Variants in MYO9A observed in about 807,000 individuals in gnomAD.
MYO9A encodes the protein unconventional myosin-IXa.
In MYO9A, 103 loss-of-function variants were observed where a neutral mutation model predicts 293.3. The ratio of observed to expected loss-of-function variants is 0.35; its 90% CI spans 0.30 to 0.41. The LOEUF is 0.41. Among genes scored for constraint, MYO9A ranks in the 10% least tolerant of loss-of-function variants. MYO9A has a pLI of 1.00. For synonymous variants in MYO9A, 1,001 were observed against 1,035.7 expected, an observed-to-expected ratio of 0.97 and a Z score of 0.64; for missense variants, 2,685 against 3,033.0, an observed-to-expected ratio of 0.89 and a Z score of 2.69.
intron 6 of MYO9A, among the ~76,000 whole-genome samples, chr15:72,012,947 A>C (rs916090362): frequency 6.6e-6 from 1 of 152,220 alleles, no homozygotes; most frequent in African/African-American, 2.4e-5. Flanking sequence ...GTCTCAGTGA[A>C]TATCAAAATC....
chr15:71,999,779 AAAACCCAAACTTC>A, intron 9 of MYO9A, 59 bp downstream of exon 9: 1 of 1,256,982 alleles, frequency 8.0e-7, no homozygotes, highest in East Asian at 2.5e-5. Context: ...CTGTTAAGAG[AAAACCCAAACTTC>A]AAACCTAAAC....
At chr15:71,868,964 A>C (rs62023342) in intron 32 of MYO9A, among the ~76,000 whole-genome samples, 30,612 of 152,056 alleles carry the variant, frequency 0.2, 3,325 homozygotes, top group East Asian at 0.41. Flanking sequence ...TCTAATTATC[A>C]CAAATTTGTC....
chr15:72,037,630 T>G (rs1375155853), intron 2 of MYO9A, among the ~76,000 whole-genome samples: 5 of 152,166 alleles, frequency 3.3e-5, no homozygotes, highest in African/African-American at 1.2e-4. Context: ...AGTACAGTTT[T>G]TGATGATCTC....
chr15:71,893,979 T>C (rs1047754002), intron 25 of MYO9A, among the ~76,000 whole-genome samples: 2 of 152,214 alleles, frequency 1.3e-5, no homozygotes, highest in African/African-American at 4.8e-5. Context: ...AAAGGCCTTG[T>C]CCTGATGATC....
intron 6 of MYO9A, among the ~76,000 whole-genome samples, chr15:72,016,946 A>G (rs2077358212): frequency 6.6e-6 from 1 of 151,954 alleles, no homozygotes; most frequent in East Asian, 1.9e-4. Context: ...CCCCTAAAAT[A>G]AATGAAACTG....
chr15:71,953,245 C>T (rs1177926843), intron 14 of MYO9A, among the ~76,000 whole-genome samples: 1 of 152,024 alleles, frequency 6.6e-6, no homozygotes, highest in Non-Finnish European at 1.5e-5. Context: ...ACCAGTAATC[C>T]CCCCTTGATG....
At chr15:72,016,296 A>C (rs1413143350) in intron 6 of MYO9A, among the ~76,000 whole-genome samples, 1 of 152,162 alleles carries the variant, frequency 6.6e-6, no homozygotes, top group Non-Finnish European at 1.5e-5. Flanking sequence ...AAAAAATCTT[A>C]TAAATAACAG....
intron 40 of MYO9A, among the ~76,000 whole-genome samples, chr15:71,828,791 A>G (rs951722719): frequency 6.6e-6 from 1 of 152,164 alleles, no homozygotes; most frequent in Non-Finnish European, 1.5e-5. Context: ...TGCAACTTCT[A>G]ACAATATTCT....
At chr15:72,072,295 C>A (rs1291287887) in intron 1 of MYO9A, among the ~76,000 whole-genome samples, 2 of 151,902 alleles carry the variant, frequency 1.3e-5, no homozygotes, top group African/African-American at 4.8e-5. Context: ...CCACGCCTGG[C>A]TAATTTTTTG....
intron 26 of MYO9A, 193 bp downstream of exon 26, chr15:71,893,486 G>T: frequency 1.7e-6 from 1 of 601,218 alleles, no homozygotes; most frequent in Non-Finnish European, 2.9e-6. Flanking sequence ...CTTAGCAACT[G>T]GGTTTTTAGG....
At chr15:71,854,602 C>A in intron 34 of MYO9A, 33 bp from the exon 35 acceptor site, 1 of 1,474,896 alleles carries the variant, frequency 6.8e-7, no homozygotes, top group South Asian at 1.5e-5. Context: ...TTTCCAAATG[C>A]ATTCAAACAT....
intron 19 of MYO9A, among the ~76,000 whole-genome samples, chr15:71,911,113 A>G (rs2057836075): frequency 6.6e-6 from 1 of 152,106 alleles, no homozygotes. Flanking sequence ...GCAACTACCA[A>G]TCTGCTTCCT....
intron 1 of MYO9A, among the ~76,000 whole-genome samples, chr15:72,074,950 CCTTTT>C (rs1157605083): frequency 8.4e-5 from 6 of 71,666 alleles, no homozygotes; most frequent in Admixed American, 3.8e-4. Flanking sequence ...ATTTTCACTG[CCTTTT>C]TTTTTTTTTT....
intron 27 of MYO9A, 151 bp from the exon 28 acceptor site, chr15:71,883,887 T>C: frequency 8.2e-6 from 6 of 731,070 alleles, no homozygotes; most frequent in Non-Finnish European, 1.2e-5. Flanking sequence ...TACTTTTGCA[T>C]TTAAACTTCA....
chr15:72,045,763 T>C lies in MYO9A; in HGVS notation c.801A>G (p.Gly267=). The C allele has an allele frequency of 6.2e-7, 1 of 1,613,912 alleles. No individual in the cohort carries two copies. Among genetic ancestry groups the C allele is most frequent in the African/African-American group, 1.3e-5 (1 of 75,046 alleles). ...CAGCTCCAAGAATAATCTGTTCTAC[T>C]CCACTGGCAAATCCTTTCTGACTGA... ...TALSQKGFAS[G]VEQIILGAGP... Residue 267 remains glycine (G), a synonymous_variant, in exon 2 of 42, where the codon GGA becomes GGG. Transcript: ENST00000356056.
At chr15:71,905,463 G>A (rs745631439) in intron 19 of MYO9A, among the ~76,000 whole-genome samples, 4 of 151,682 alleles carry the variant, frequency 2.6e-5, no homozygotes, top group Non-Finnish European at 4.4e-5. Flanking sequence ...CTTTCTTCCT[G>A]ATTAGTGGCT....
intron 39 of MYO9A, among the ~76,000 whole-genome samples, chr15:71,835,174 A>G (rs916993611): frequency 6.6e-6 from 1 of 152,202 alleles, no homozygotes; most frequent in Non-Finnish European, 1.5e-5. Context: ...TACCTACAAA[A>G]ATTCTATAGC....
chr15:72,021,883 T>C (rs887650858), intron 4 of MYO9A, among the ~76,000 whole-genome samples: 1 of 152,044 alleles, frequency 6.6e-6, no homozygotes, highest in Non-Finnish European at 1.5e-5. Flanking sequence ...CTGGTTAACT[T>C]TGAAACCCTG....
At chr15:72,060,454 C>G (rs2078847352) in intron 1 of MYO9A, among the ~76,000 whole-genome samples, 1 of 152,020 alleles carries the variant, frequency 6.6e-6, no homozygotes, top group Non-Finnish European at 1.5e-5. Flanking sequence ...GTAGGAAAGA[C>G]AGTCTTGAAC....
Sources: allele counts gnomAD v4.1 joint callset (sites outside exome capture counted in the v4.1 genomes callset), GRCh38; gene constraint gnomAD v4.1.1; transcripts MANE v1.5; gene names NCBI Gene and HGNC (gene_info 2026-07-23, HGNC 2026-07-21).